CCDC88B: variants seen among roughly 807,000 people sequenced by gnomAD.
CCDC88B encodes coiled-coil domain-containing protein 88B.
In CCDC88B, 138 loss-of-function variants were observed where a neutral mutation model predicts 183.7. The observed-to-expected ratio is 0.75, with a 90% CI of 0.65 to 0.87. CCDC88B has a LOEUF of 0.87. Ranked by LOEUF, CCDC88B falls within the 40% of genes least tolerant of loss-of-function variation. The pLI is 0.00. For synonymous variants in CCDC88B, 835 were observed against 867.5 expected, an observed-to-expected ratio of 0.96 and a Z score of 0.66; for missense variants, 1,822 against 1,965.6, an observed-to-expected ratio of 0.93 and a Z score of 1.38.
intron 14 of CCDC88B, among the ~76,000 whole-genome samples, chr11:64,348,242 T>G (rs1591288884): frequency 2.8e-4 from 30 of 108,890 alleles, no homozygotes; most frequent in South Asian, 6.0e-4. Flanking sequence ...ACTGAGAGGG[T>G]GGGGGAAGCT....
chr11:64,353,876 C>A, intron 23 of CCDC88B, 63 bp downstream of exon 23: 1 of 1,601,200 alleles, frequency 6.2e-7, no homozygotes, highest in African/African-American at 1.3e-5. Context: ...CTGCCCTGGC[C>A]TCTGACCCCA....
rs1308935538 is a variant in CCDC88B, at chr11:64,349,375, G to C, written c.2661G>C (p.Arg887=). The C allele has an allele frequency of 6.2e-7, 1 of 1,612,784 alleles. No individual in the cohort carries two copies. Residue 887 remains arginine, a synonymous_variant, in exon 15 of 27, where the codon CGG becomes CGC. Coordinates refer to ENST00000356786, the MANE Select transcript of CCDC88B (RefSeq NM_032251.6). ...AVVRGKELGD[R]LEHLQRELEQ... ...TGCGGGGCAAGGAGTTGGGGGACCGGCTGGAGCATTTGCAGCGTGAGCTGG... is the reference window on the plus strand; with the variant it reads ...TGCGGGGCAAGGAGTTGGGGGACCGCCTGGAGCATTTGCAGCGTGAGCTGG...
chr11:64,345,851 AC>A (rs1299780457), intron 14 of CCDC88B, among the ~76,000 whole-genome samples: 1 of 152,190 alleles, frequency 6.6e-6, no homozygotes, highest in East Asian at 1.9e-4. Context: ...CATTAAAAAT[AC>A]AAAAATCAGC....
chr11:64,357,039 G>T lies in CCDC88B; in HGVS notation c.4376G>T (p.Gly1459Val). The change falls in exon 27 of 27, where the codon GGC becomes GTC. Residue 1459 changes from glycine (G) to valine (V), a missense_variant and splice_region_variant. Transcript: ENST00000356786. ...QEHETDANREGPEVQEPEKRP... is the reference protein window; with the variant it reads ...QEHETDANREVPEVQEPEKRP... ...ATCTCAGCTGAGCCTTTCCCTCTAG[G>T]CCCTGAGGTACAGGAACCGGAGAAA... 1 of 1,586,408 alleles carries T rather than the reference G, an allele frequency of 6.3e-7. No homozygotes were observed. The highest frequency in any genetic ancestry group is 8.6e-7 in the Non-Finnish European group (1 of 1,164,090).
rs954933255 is a variant in CCDC88B at position 64,353,740 on chromosome 11, G to A, written c.3859G>A (p.Glu1287Lys). The A allele has an allele frequency of 8.7e-6, 14 of 1,613,974 alleles. No individual in the cohort carries two copies. Among genetic ancestry groups the A allele is most frequent in the Admixed American group, 1.7e-5 (1 of 60,002 alleles). The part of the protein sequence containing the change: ...YLDQLNALRR[E>K]KQKLVEKIMD... ...GGACCAGCTTAATGCCCTGCGCCGC[G>A]AGAAGCAGAAGCTCGTGGAGAAGAT... Residue 1287 changes from glutamate (E) to lysine (K), a missense_variant, in exon 23 of 27, where the codon GAG becomes AAG. Transcript: ENST00000356786.
Position 64,349,652 on chromosome 11 carries a change from A to G in CCDC88B, c.2846A>G (p.Glu949Gly). 1 of 1,595,084 alleles carries G rather than the reference A, an allele frequency of 6.3e-7. No individual in the cohort carries two copies. Among genetic ancestry groups the G allele is most frequent in the Non-Finnish European group, 8.5e-7 (1 of 1,171,610 alleles). The change falls in exon 16 of 27, where the codon GAA (glutamate) becomes GGA (glycine). Residue 949 changes from glutamate to glycine, a missense_variant. Glu to Gly is a moderately conservative substitution (Grantham distance 98). Coordinates refer to ENST00000356786, the MANE Select transcript of CCDC88B (RefSeq NM_032251.6). ...CTCAAGACCAGGGCCCTGCAGCTGG[A>G]AGAGGAGCTGTTCCAGGTGATGCCT... ...MELKTRALQL[E>G]EELFQLRQGP...
rs765357665 is a variant in CCDC88B at position 64,340,694 on chromosome 11, G to C, written c.148G>C (p.Glu50Gln). 4 of 1,612,618 alleles carry C rather than the reference G, an allele frequency of 2.5e-6. No individual in the cohort carries two copies. Among genetic ancestry groups the C allele is most frequent in the Middle Eastern group, 1.6e-4 (1 of 6,064 alleles). Residue 50 changes from glutamate (E) to glutamine (Q), a missense_variant, in exon 2 of 27, where the codon GAG becomes CAG. By Grantham distance (29) the Glu-to-Gln change is conservative (BLOSUM62 2). Coordinates refer to ENST00000356786, the MANE Select transcript of CCDC88B (RefSeq NM_032251.6). ...EEEEEPPLWL[E>Q]KRFLRLSDGA... ...GGAGGAAGAGCCGCCCCTTTGGTTG[G>C]AGAAGAGATTCCTGCGCCTCAGCGA...
At chr11:64,349,696 G>A (rs1313210083) in intron 16 of CCDC88B, 28 bp downstream of exon 16, 6 of 1,558,716 alleles carry the variant, frequency 3.8e-6, no homozygotes, top group African/African-American at 1.4e-5. Flanking sequence ...GGGAGCTGGG[G>A]GCCATGCCAC....
Position 64,345,075 on chromosome 11 carries a change from G to A in CCDC88B, c.2534G>A (p.Arg845Gln), listed in dbSNP as rs746401310. Reference sequence around the variant, plus strand: ...GCCCAGTCGGAGGCCGCCGAGGAACGGATGCAGGTGCTGGAGAGCGAGGGC... The same window carrying A: ...GCCCAGTCGGAGGCCGCCGAGGAACAGATGCAGGTGCTGGAGAGCGAGGGC... ...LRAQSEAAEERMQVLESEGRQ... is the reference protein window; with the variant it reads ...LRAQSEAAEEQMQVLESEGRQ... Residue 845 changes from arginine (R) to glutamine (Q), a missense_variant, in exon 14 of 27, where the codon CGG becomes CAG. By Grantham distance (43) the Arg-to-Gln change is conservative. Transcript: ENST00000356786. 1.1e-5 allele frequency: 17 copies of A among 1,551,390 alleles called. No homozygotes were observed. The highest frequency in any genetic ancestry group is 4.7e-5 in the South Asian group (4 of 84,632).
At chr11:64,347,017 A>G (rs2036139778) in intron 14 of CCDC88B, among the ~76,000 whole-genome samples, 1 of 151,508 alleles carries the variant, frequency 6.6e-6, no homozygotes. Context: ...GATGGTCTCA[A>G]TCTCTTGACC....
chr11:64,349,453 C>A lies in CCDC88B; in HGVS notation c.2739C>A (p.His913Gln). Residue 913 changes from histidine to glutamine, a missense_variant, in exon 15 of 27, where the codon CAC becomes CAA. Transcript: ENST00000356786. ...QEFLREKESQ[H>Q]QRYQGLEQRL... ...TTCTGCGAGAAAAGGAAAGCCAGCA[C>A]CAGAGGTGGGGACAGGGCTGAGGGG... The A allele has an allele frequency of 6.2e-7, 1 of 1,612,084 alleles. No individual in the cohort carries two copies. The highest frequency in any genetic ancestry group is 8.5e-7 in the Non-Finnish European group (1 of 1,179,424).
chr11:64,349,300 C>CT (rs1458731011), intron 14 of CCDC88B, 31 bp from the exon 15 acceptor site: 1 of 1,557,292 alleles, frequency 6.4e-7, no homozygotes, highest in South Asian at 1.2e-5. Context: ...CTCCTGCCCC[C>CT]TTGCCCTGAG....
At chr11:64,343,064 G>A (rs2035949099) in intron 10 of CCDC88B, 115 bp from the exon 11 acceptor site, 1 of 1,226,772 alleles carries the variant, frequency 8.2e-7, no homozygotes, top group African/African-American at 1.5e-5. Flanking sequence ...ATGGGGTGCA[G>A]GGTGGGGGAG....
At chr11:64,348,776 C>T in intron 14 of CCDC88B, 1 of 557,682 alleles carries the variant, frequency 1.8e-6, no homozygotes. Flanking sequence ...GAATGGGCCT[C>T]CCGTCTCCTT....
Position 64,344,430 on chromosome 11 carries a change from C to A in CCDC88B, c.1889C>A (p.Pro630His). Residue 630 changes from proline to histidine, a missense_variant, in exon 14 of 27, where the codon CCC becomes CAC. Coordinates refer to ENST00000356786, the MANE Select transcript of CCDC88B (RefSeq NM_032251.6). This position sits in a 1 kb window ranked among gnomAD's most constrained non-coding sequence, Gnocchi z 4.5. The part of the protein sequence containing the change: ...LGGETEGREA[P>H]QGELVPEAWG... Reference sequence around the variant, plus strand: ...GGAGAGACAGAGGGAAGAGAGGCTCCCCAAGGCGAGTTGGTGCCTGAGGCC... The same window carrying A: ...GGAGAGACAGAGGGAAGAGAGGCTCACCAAGGCGAGTTGGTGCCTGAGGCC... The A allele has an allele frequency of 3.1e-6, 5 of 1,592,002 alleles. No individual in the cohort carries two copies. The highest frequency in any genetic ancestry group is 4.3e-6 in the Non-Finnish European group (5 of 1,169,532).
chr11:64,349,795 C>T, intron 16 of CCDC88B, 127 bp downstream of exon 16: 1 of 867,694 alleles, frequency 1.2e-6, no homozygotes, highest in South Asian at 1.5e-5. Flanking sequence ...GCCTCACTCC[C>T]CATGTGGGGC....
intron 14 of CCDC88B, among the ~76,000 whole-genome samples, chr11:64,347,551 C>T (rs746044820): frequency 6.6e-6 from 1 of 151,994 alleles, no homozygotes; most frequent in Non-Finnish European, 1.5e-5. Flanking sequence ...TGGGGTCAGG[C>T]GTTGTGCAAG....
At position 64,357,149 on chromosome 11, in the gene CCDC88B, C is replaced by T. The variant is rs562376962; in HGVS notation, c.*55C>T. On this transcript the variant is annotated 3_prime_UTR_variant, in exon 27 of 27. Coordinates refer to ENST00000356786, the MANE Select transcript of CCDC88B (RefSeq NM_032251.6). ...AGCCTTCTCGGCACTGGAGTGTCAG[C>T]GGAGGCCCCAGGCAGCCCAAGAGCT... The T allele has an allele frequency of 1.5e-4, 238 of 1,602,920 alleles. 3 individuals are homozygous for T. The South Asian group carries it at 2.2e-3, about 15-fold the overall frequency.
At chr11:64,342,416 C>T (rs899060237) in intron 9 of CCDC88B, 41 bp downstream of exon 9, 31 of 1,550,872 alleles carry the variant, frequency 2.0e-5, no homozygotes, top group Non-Finnish European at 2.6e-5. Context: ...ATTCCCTAAC[C>T]TCCCCGCACC....
Sources: allele counts gnomAD v4.1 joint callset (sites outside exome capture counted in the v4.1 genomes callset), GRCh38; gene constraint gnomAD v4.1.1; non-coding constraint Gnocchi (gnomAD v3.1); transcripts MANE v1.5; gene names NCBI Gene and HGNC (gene_info 2026-07-23, HGNC 2026-07-21).